RBM20: variants seen among roughly 807,000 people sequenced by gnomAD.
RBM20 encodes the protein RNA-binding protein 20.
Under a neutral mutation model 110.1 loss-of-function variants are expected in RBM20, and 51 were observed. The ratio of observed to expected loss-of-function variants is 0.46; its 90% confidence interval spans 0.37 to 0.59. The LOEUF (loss-of-function observed/expected upper bound fraction) is 0.59, where lower values mean the gene tolerates loss of function less well. Among genes scored for constraint, RBM20 ranks in the 20% least tolerant of loss-of-function variants. The pLI, the probability that RBM20 is intolerant of heterozygous loss-of-function variation, is 0.00. For missense variants in RBM20, 1,512 were observed against 1,574.9 expected (o/e 0.96, Z 0.68); for synonymous variants, 589 against 618.2 (o/e 0.95, Z 0.70).
At chr10:110,669,759 C>A (rs940513653) in intron 1 of RBM20, among the ~76,000 whole-genome samples, 1 of 152,166 alleles carries the variant, frequency 6.6e-6, no homozygotes, top group East Asian at 1.9e-4. Context: ...CTTTCCCAGC[C>A]AAACTGACAT....
Position 110,724,328 on chromosome 10 carries a change from G to A in RBM20, c.192-56473G>A, listed in dbSNP as rs1203939002. 2.0e-5 allele frequency among the ~76,000 whole-genome samples: 3 copies of A among 152,332 alleles called. No homozygotes were observed. The East Asian group carries it at 5.8e-4, about 29-fold the overall frequency. Reference sequence around the variant, plus strand: ...AAAACATCTGCTCCAACAGGTTGCAGGCTGCTCAGGTTGAAATTGCTCCAA... The same window carrying A: ...AAAACATCTGCTCCAACAGGTTGCAAGCTGCTCAGGTTGAAATTGCTCCAA... On this transcript the variant is annotated intron_variant, in intron 1 of 13. Transcript: ENST00000369519.
At chr10:110,734,013 T>C (rs990807581) in intron 1 of RBM20, among the ~76,000 whole-genome samples, 1 of 147,134 alleles carries the variant, frequency 6.8e-6, no homozygotes, top group Non-Finnish European at 1.5e-5. Context: ...ATGCATTTCT[T>C]CTCTTTTTTT....
rs762162073 is a variant in RBM20 at position 110,653,028 on chromosome 10, CTCT to C, written c.191+8388_191+8390del. 2.0e-5 allele frequency among the ~76,000 whole-genome samples: 3 copies of C among 152,328 alleles called. No homozygotes were observed. In the East Asian group the frequency reaches 5.8e-4, roughly 29 times the overall value. On this transcript the variant is annotated intron_variant, in intron 1 of 13. Transcript: ENST00000369519. The stretch of plus-strand genomic sequence containing the variant: ...GCCAACCATCACATTTTCTTCTCTG[CTCT>C]TCTTTGTTCAAGGTTACTCTTTTTC...
chr10:110,825,762 A>G (rs1456135164), intron 12 of RBM20, among the ~76,000 whole-genome samples: 2 of 152,186 alleles, frequency 1.3e-5, no homozygotes, highest in Non-Finnish European at 2.9e-5. Context: ...TTTTATTGTT[A>G]ACATTCCCCA....
At chr10:110,741,304 G>A (rs1355504720) in intron 1 of RBM20, among the ~76,000 whole-genome samples, 1 of 152,214 alleles carries the variant, frequency 6.6e-6, no homozygotes, top group Non-Finnish European at 1.5e-5. Flanking sequence ...AGGTGACGTA[G>A]AAAGCACAGA....
chr10:110,644,557 C>A lies in RBM20; in HGVS notation c.103C>A (p.Pro35Thr), dbSNP rs775667733. ...GCCTGGTGCCCGGGCGTCCCCGGCA[C>A]CCTCCGGCCCGCGAGGGATGCAGCA... ...SVPGARASPA[P>T]SGPRGMQQPP... The change falls in exon 1 of 14, where the codon CCC becomes ACC. Residue 35 changes from proline to threonine, a missense_variant. Pro to Thr is a conservative substitution (Grantham distance 38). Around this residue, in one of 3 missense-constraint regions of RBM20, gnomAD observed 1,149 missense variants for 1,169.4 expected, o/e 0.98. Coordinates refer to ENST00000369519, the MANE Select transcript of RBM20 (RefSeq NM_001134363.3). The surrounding 1 kb of genome is among the most constrained non-coding windows in gnomAD (Gnocchi z 4.3). 6.6e-7 allele frequency: 1 copy of A among 1,526,598 alleles called. No individual in the cohort carries two copies. The highest frequency in any genetic ancestry group is 2.6e-5 in the East Asian group (1 of 39,160). 94.6% of individuals were successfully genotyped at this position (1,526,598 alleles called of 1,614,324 possible). A position where few individuals can be genotyped will look rare whatever the true frequency, so the allele number is the denominator to read the frequency against.
chr10:110,702,266 G>A (rs1178095737), intron 1 of RBM20, among the ~76,000 whole-genome samples: 1 of 152,206 alleles, frequency 6.6e-6, no homozygotes, highest in Admixed American at 6.5e-5. Flanking sequence ...TCAGCTGAGT[G>A]TGGTGGCTCA....
At chr10:110,696,486 G>C (rs1862665871) in intron 1 of RBM20, among the ~76,000 whole-genome samples, 1 of 152,222 alleles carries the variant, frequency 6.6e-6, no homozygotes, top group Non-Finnish European at 1.5e-5. Context: ...TGCAATGCCT[G>C]CACCACAGTG....
chr10:110,705,395 C>T (rs1862821007), intron 1 of RBM20, among the ~76,000 whole-genome samples: 1 of 152,138 alleles, frequency 6.6e-6, no homozygotes, highest in South Asian at 2.1e-4. Flanking sequence ...TCTGAATTAG[C>T]ATCTGATTTT....
intron 1 of RBM20, among the ~76,000 whole-genome samples, chr10:110,777,205 C>T (rs891868081): frequency 2.6e-5 from 4 of 152,172 alleles, no homozygotes; most frequent in Non-Finnish European, 5.9e-5. Flanking sequence ...TAGAAAGGCA[C>T]GCACGCAATT....
At chr10:110,681,092 A>T (rs1862417936) in intron 1 of RBM20, among the ~76,000 whole-genome samples, 1 of 152,088 alleles carries the variant, frequency 6.6e-6, no homozygotes, top group African/African-American at 2.4e-5. Flanking sequence ...CACATTCCTC[A>T]CTGACCATGC....
intron 1 of RBM20, among the ~76,000 whole-genome samples, chr10:110,744,648 G>A (rs573775302): frequency 6.6e-6 from 1 of 152,270 alleles, no homozygotes; most frequent in African/African-American, 2.4e-5. Flanking sequence ...GAGGCCTGCT[G>A]AAGTTTGCAA....
At chr10:110,828,050 G>A (rs576735380) in intron 12 of RBM20, among the ~76,000 whole-genome samples, 6 of 152,312 alleles carry the variant, frequency 3.9e-5, no homozygotes, top group Middle Eastern at 3.4e-3. Context: ...TGGCCAGCGC[G>A]AGCCTGCCAA....
chr10:110,768,145 A>C (rs1470158323), intron 1 of RBM20, among the ~76,000 whole-genome samples: 2 of 152,186 alleles, frequency 1.3e-5, no homozygotes, highest in Non-Finnish European at 2.9e-5. Flanking sequence ...CAGGAGAATC[A>C]GGCAGGGAGG....
At chr10:110,687,066 T>G (rs529862523) in intron 1 of RBM20, among the ~76,000 whole-genome samples, 1 of 151,480 alleles carries the variant, frequency 6.6e-6, no homozygotes, top group African/African-American at 2.4e-5. Flanking sequence ...AAGAAAAAAT[T>G]TGTGTTCCTT....
intron 7 of RBM20, among the ~76,000 whole-genome samples, chr10:110,808,891 G>A (rs1248982019): frequency 2.0e-5 from 3 of 152,040 alleles, no homozygotes; most frequent in Non-Finnish European, 4.4e-5. Context: ...AATGAGATAC[G>A]TGATGCTTTT....
At chr10:110,678,343 T>C (rs1346148110) in intron 1 of RBM20, among the ~76,000 whole-genome samples, 1 of 152,238 alleles carries the variant, frequency 6.6e-6, no homozygotes, top group African/African-American at 2.4e-5. Context: ...TGTCACTAAA[T>C]GGAATTCTGT....
At chr10:110,644,137 T>C (rs1056910149), upstream of RBM20, among the ~76,000 whole-genome samples, 3 of 152,178 alleles carry the variant, frequency 2.0e-5, no homozygotes, top group South Asian at 4.1e-4. The surrounding 1 kb of genome is among the most constrained non-coding windows in gnomAD (Gnocchi z 4.3). Flanking sequence ...CCCTCCCCGC[T>C]TCCTGCGCCC....
intron 1 of RBM20, among the ~76,000 whole-genome samples, chr10:110,677,183 TCTC>T (rs1862350634): frequency 6.6e-6 from 1 of 152,108 alleles, no homozygotes; most frequent in South Asian, 2.1e-4. Flanking sequence ...CTCAGGCCTC[TCTC>T]CTCTTATAAA....
Sources: gnomAD v4.1 joint callset for allele counts (sites outside exome capture counted in the v4.1 genomes callset) on GRCh38, gnomAD v4.1.1 for gene constraint, gnomAD v4.1.1 regional missense constraint, Gnocchi (gnomAD v3.1) non-coding constraint, MANE v1.5 for transcripts, NCBI Gene and HGNC (gene_info 2026-07-23, HGNC 2026-07-21) for gene names.